The following PCA3 variants were observed in gnomAD, a reference collection of about 807,000 sequenced individuals.
PCA3 encodes the protein prostate cancer associated 3.
At chr9:76,781,871 T>C (rs568698136) in intron 2 of PCA3, among the ~76,000 whole-genome samples, 5 of 152,262 alleles carry the variant, frequency 3.3e-5, no homozygotes, top group African/African-American at 1.2e-4. Flanking sequence ...TGAATGGAGA[T>C]GTTGGAGTCA....
At chr9:76,767,769 G>A (rs2052579576) in intron 2 of PCA3, among the ~76,000 whole-genome samples, 1 of 152,086 alleles carries the variant, frequency 6.6e-6, no homozygotes, top group African/African-American at 2.4e-5. Context: ...TCTATCCAGG[G>A]GTGTAAAAAC....
At chr9:76,781,990 G>GGATCT (rs34988776) in intron 2 of PCA3, among the ~76,000 whole-genome samples, 4 of 148,990 alleles carry the variant, frequency 2.7e-5, no homozygotes, top group African/African-American at 1.0e-4. Context: ...CGAAGCAGGT[G>GGATCT]GATCATGAGG....
intron 2 of PCA3, among the ~76,000 whole-genome samples, chr9:76,774,456 T>TATTTATTTATTTATTTATTTATTTATTTA (rs770848796): frequency 5.2e-5 from 7 of 133,814 alleles, no homozygotes; most frequent in African/African-American, 1.9e-4. Flanking sequence ...AACCCTTTTT[T>TATTTATTTATTTATTTATTTATTTATTTA]TTTTTTTTTT....
intron 2 of PCA3, among the ~76,000 whole-genome samples, chr9:76,765,309 A>G (rs1213621478): frequency 2.0e-5 from 3 of 152,244 alleles, no homozygotes; most frequent in African/African-American, 7.2e-5. Flanking sequence ...AAGATGAAAT[A>G]GACATCAAGG....
rs186796783 is a variant in PCA3, at chr9:76,767,480, A to G, written n.852+30865A>G. On this transcript the variant is annotated intron_variant and non_coding_transcript_variant, in intron 2 of 5. Coordinates refer to ENST00000644657, the Ensembl canonical transcript of PCA3. ...AAAAAAAAGAAAGAAAGAAAAAAGC[A>G]CAGATTCTTTATTTTCCTTGCTTTC... 1.3e-3 allele frequency among the ~76,000 whole-genome samples: 191 copies of G among 151,974 alleles called. 1 individual carries two copies. Among genetic ancestry groups the G allele is most frequent in the African/African-American group, 4.4e-3 (182 of 41,458 alleles).
chr9:76,783,429 T>C (rs1482213224), intron 2 of PCA3, among the ~76,000 whole-genome samples: 1 of 151,968 alleles, frequency 6.6e-6, no homozygotes, highest in African/African-American at 2.4e-5. Context: ...GAGCCACTGC[T>C]CCCCAAGAAG....
At chr9:76,776,420 A>G (rs150073103) in intron 2 of PCA3, among the ~76,000 whole-genome samples, 503 of 152,090 alleles carry the variant, frequency 3.3e-3, no homozygotes, top group Non-Finnish European at 5.9e-3. Context: ...TATTTCACAT[A>G]GGATAATGAT....
chr9:76,773,219 C>T (rs2053307009), intron 2 of PCA3, among the ~76,000 whole-genome samples: 1 of 152,096 alleles, frequency 6.6e-6, no homozygotes, highest in South Asian at 2.1e-4. Context: ...CTTTGAATTA[C>T]TGTGTGCACT....
intron 2 of PCA3, among the ~76,000 whole-genome samples, chr9:76,775,677 T>C (rs1334578694): frequency 1.3e-5 from 2 of 152,222 alleles, no homozygotes; most frequent in African/African-American, 4.8e-5. Flanking sequence ...ATGTTATCTC[T>C]TTACATTTGC....
At chr9:76,766,474 G>C (rs1589102202) in intron 2 of PCA3, among the ~76,000 whole-genome samples, 1 of 152,116 alleles carries the variant, frequency 6.6e-6, no homozygotes, top group Non-Finnish European at 1.5e-5. Context: ...ACACATATTA[G>C]ATTCTGCATC....
intron 2 of PCA3, among the ~76,000 whole-genome samples, chr9:76,776,788 T>A (rs1423312186): frequency 1.3e-5 from 2 of 151,538 alleles, no homozygotes; most frequent in African/African-American, 4.9e-5. Context: ...GTGCTGGGAT[T>A]AAAAGTTATG....
intron 2 of PCA3, among the ~76,000 whole-genome samples, chr9:76,768,395 G>A (rs186417056): frequency 8.5e-5 from 13 of 152,158 alleles, no homozygotes; most frequent in Non-Finnish European, 1.3e-4. Context: ...GGTTCACCAT[G>A]TTGGCCAAGC....
At chr9:76,776,204 G>A (rs1343407) in intron 2 of PCA3, among the ~76,000 whole-genome samples, 36,095 of 152,078 alleles carry the variant, frequency 0.24, 4,481 homozygotes, top group East Asian at 0.4. Context: ...TTGAGTAGTG[G>A]TGAAGTCTGA....
At chr9:76,764,618 G>T (rs2052136323) in intron 2 of PCA3, 1 of 152,246 alleles carries the variant, frequency 6.6e-6, no homozygotes, top group African/African-American at 2.4e-5. Flanking sequence ...GTGACTAGAA[G>T]GTTTAAAGTT....
At chr9:76,768,231 C>T (rs904818927) in intron 2 of PCA3, among the ~76,000 whole-genome samples, 4 of 151,878 alleles carry the variant, frequency 2.6e-5, no homozygotes, top group East Asian at 1.9e-4. Flanking sequence ...CTCGCTCTGT[C>T]GCCCAGGCTG....
At chr9:76,773,110 C>G (rs1371568562) in intron 2 of PCA3, among the ~76,000 whole-genome samples, 1 of 152,196 alleles carries the variant, frequency 6.6e-6, no homozygotes, top group Non-Finnish European at 1.5e-5. Context: ...GCTTCCCCTA[C>G]TTTATATTAC....
intron 2 of PCA3, among the ~76,000 whole-genome samples, chr9:76,769,476 G>C (rs2052835160): frequency 6.9e-6 from 1 of 145,656 alleles, no homozygotes; most frequent in Admixed American, 6.9e-5. Flanking sequence ...AGGCTGGAGT[G>C]CAATGGCACA....
chr9:76,785,296 T>C (rs1163483304), intron 2 of PCA3: 1 of 152,216 alleles, frequency 6.6e-6, no homozygotes, highest in East Asian at 1.9e-4. Context: ...GGGACACATA[T>C]GAGATTCATC....
At position 76,772,528 on chromosome 9, in the gene PCA3, G is replaced by C. The variant is rs921261214; in HGVS notation, n.852+35913G>C. On this transcript the variant is annotated intron_variant and non_coding_transcript_variant, in intron 2 of 5. Coordinates refer to ENST00000644657, the Ensembl canonical transcript of PCA3. ...AGTTTTGCAAAAGTCTCCTCCCATG[G>C]ACAAGGTTAACTGCAACTTGTGAAC... 2.6e-5 allele frequency among the ~76,000 whole-genome samples: 4 copies of C among 152,110 alleles called. No homozygotes were observed. The East Asian group carries it at 7.7e-4, about 29-fold the overall frequency.
Sources: gnomAD v4.1 joint callset for allele counts (sites outside exome capture counted in the v4.1 genomes callset) on GRCh38, gnomAD v4.1.1 for gene constraint, MANE v1.5 for transcripts, NCBI Gene and HGNC (gene_info 2026-07-23, HGNC 2026-07-21) for gene names.